Variants in PTPRD observed in about 807,000 individuals in gnomAD.
The protein encoded by PTPRD is protein tyrosine phosphatase receptor type D.
A neutral mutation model predicts 214.5 loss-of-function variants in PTPRD; 34 were observed. That is an observed-to-expected ratio of 0.16 (90% CI 0.12 to 0.21). The LOEUF (loss-of-function observed/expected upper bound fraction) is 0.21. Among genes scored for constraint, PTPRD ranks in the 10% least tolerant of loss-of-function variants. PTPRD has a pLI of 1.00. For synonymous variants in PTPRD, 1,128 were observed against 845.7 expected (o/e 1.33, Z -5.79); for missense variants, 2,545 against 2,398.7 (o/e 1.06, Z -1.27).
At chr9:10,431,640 C>G (rs562633653) in intron 2 of PTPRD, among the ~76,000 whole-genome samples, 2 of 152,168 alleles carry the variant, frequency 1.3e-5, no homozygotes, top group South Asian at 4.1e-4. Context: ...TGAACAGACA[C>G]TTCTCAAAAG....
chr9:9,009,593 A>T (rs1285099735), intron 11 of PTPRD, among the ~76,000 whole-genome samples: 1 of 152,032 alleles, frequency 6.6e-6, no homozygotes, highest in Non-Finnish European at 1.5e-5. Context: ...TTAGAACTGT[A>T]AAAATTTTTA....
At chr9:8,349,615 T>G (rs1353580193) in intron 39 of PTPRD, among the ~76,000 whole-genome samples, 1 of 152,148 alleles carries the variant, frequency 6.6e-6, no homozygotes, top group African/African-American at 2.4e-5. Flanking sequence ...TTTTATCTGT[T>G]TTCTGTCAGA....
chr9:9,199,349 C>G (rs1370699614), intron 9 of PTPRD, among the ~76,000 whole-genome samples: 2 of 152,138 alleles, frequency 1.3e-5, no homozygotes, highest in Non-Finnish European at 2.9e-5. Context: ...TGTAAAATAC[C>G]TGTTAGATGC....
intron 35 of PTPRD, 101 bp from the exon 36 acceptor site, chr9:8,404,761 C>G: frequency 7.3e-7 from 1 of 1,379,302 alleles, no homozygotes; most frequent in Non-Finnish European, 9.6e-7. Flanking sequence ...AAGGAAAATT[C>G]TGAAGCCATA....
At chr9:10,427,205 C>T (rs72698988) in intron 2 of PTPRD, among the ~76,000 whole-genome samples, 1 of 152,158 alleles carries the variant, frequency 6.6e-6, no homozygotes, top group Non-Finnish European at 1.5e-5. Flanking sequence ...GGTGGCCATG[C>T]TTTTGGCCAG....
At chr9:9,585,102 A>G (rs746939374) in intron 7 of PTPRD, among the ~76,000 whole-genome samples, 2 of 151,866 alleles carry the variant, frequency 1.3e-5, no homozygotes, top group Non-Finnish European at 2.9e-5. Context: ...GATTATTATC[A>G]TTTTTGTTTC....
chr9:9,995,638 C>A (rs1378839075), intron 4 of PTPRD, among the ~76,000 whole-genome samples: 1 of 152,088 alleles, frequency 6.6e-6, no homozygotes, highest in Non-Finnish European at 1.5e-5. Flanking sequence ...TCCTGTTTTG[C>A]TCTTAGGCCT....
chr9:8,407,900 G>A (rs1425871797), intron 35 of PTPRD, among the ~76,000 whole-genome samples: 1 of 152,204 alleles, frequency 6.6e-6, no homozygotes, highest in African/African-American at 2.4e-5. Context: ...GCTGACAGCA[G>A]TAAACTCAGT....
chr9:9,718,543 G>A (rs551651949), intron 7 of PTPRD, among the ~76,000 whole-genome samples: 2 of 152,308 alleles, frequency 1.3e-5, no homozygotes, highest in Admixed American at 1.3e-4. Context: ...TCCAGACCCA[G>A]GCATCCCTGT....
intron 3 of PTPRD, among the ~76,000 whole-genome samples, chr9:10,296,909 A>G (rs760001077): frequency 1.3e-5 from 2 of 151,772 alleles, no homozygotes; most frequent in Admixed American, 6.6e-5. Flanking sequence ...CACTAGATTT[A>G]TTGATTTTAT....
chr9:8,568,947 C>T (rs1198829859), intron 14 of PTPRD, among the ~76,000 whole-genome samples: 1 of 152,044 alleles, frequency 6.6e-6, no homozygotes, highest in African/African-American at 2.4e-5. Context: ...GCAATACAAA[C>T]ACTAACATCA....
chr9:8,456,996 G>C (rs895576126), intron 33 of PTPRD, among the ~76,000 whole-genome samples: 1 of 152,110 alleles, frequency 6.6e-6, no homozygotes, highest in Non-Finnish European at 1.5e-5. Context: ...AGTCTGAAAA[G>C]CCTTACATAT....
chr9:10,349,484 T>A (rs1320461734), intron 2 of PTPRD, among the ~76,000 whole-genome samples: 3 of 152,202 alleles, frequency 2.0e-5, no homozygotes, highest in African/African-American at 7.2e-5. Context: ...ATAGGAAATA[T>A]GCACAGACAC....
intron 14 of PTPRD, among the ~76,000 whole-genome samples, chr9:8,611,981 GGGGAGGGGAGGGTTT>G (rs1301625046): frequency 1.4e-5 from 2 of 139,198 alleles, no homozygotes; most frequent in Admixed American, 7.1e-5. Context: ...GGGGAGGGGA[GGGGAGGGGAGGGTTT>G]GGGAGGGGAG....
intron 2 of PTPRD, among the ~76,000 whole-genome samples, chr9:10,518,405 C>G (rs762192479): frequency 1.1e-4 from 16 of 151,986 alleles, no homozygotes; most frequent in Non-Finnish European, 1.5e-4. Flanking sequence ...AAATTAAGCA[C>G]CATGTTGGCA....
rs79323182 is a variant in PTPRD at position 9,241,768 on chromosome 9, A to G, written c.-202-58405T>C. On this transcript the variant is annotated intron_variant, in intron 9 of 45. Coordinates refer to ENST00000381196, the MANE Select transcript of PTPRD (RefSeq NM_002839.4). ...CATACGAGATGGGTTTCCTGAATAC[A>G]GCACACTGATGGGTCTTGACTCTTT... 3.0e-3 allele frequency among the ~76,000 whole-genome samples: 450 copies of G among 151,676 alleles called. 3 individuals carry two copies. Among genetic ancestry groups the G allele is most frequent in the African/African-American group, 0.01 (420 of 41,332 alleles).
In PTPRD at chr9:9,194,988, T is replaced by A. The variant is rs181500215; in HGVS notation, c.-202-11625A>T. ...TCAAGGACCAGTTGAACCCTACGTG[T>A]GTGTGTGTGTGTATACAGATACCTA... On this transcript the variant is annotated intron_variant, in intron 9 of 45. Transcript: ENST00000381196. Among the ~76,000 whole-genome samples, 7 of 151,116 alleles carry A rather than the reference T, an allele frequency of 4.6e-5. No homozygotes were observed. The East Asian group carries it at 1.4e-3, about 30-fold the overall frequency.
intron 2 of PTPRD, among the ~76,000 whole-genome samples, chr9:10,541,478 A>C (rs2059094509): frequency 6.6e-6 from 1 of 152,074 alleles, no homozygotes; most frequent in African/African-American, 2.4e-5. Context: ...TTGATTATTA[A>C]AGAGTAAAAA....
At chr9:10,179,541 AT>A (rs1316215488) in intron 3 of PTPRD, among the ~76,000 whole-genome samples, 1 of 152,080 alleles carries the variant, frequency 6.6e-6, no homozygotes, top group Non-Finnish European at 1.5e-5. Context: ...AAATAAGAGT[AT>A]TTTGAGGAAA....
Sources: gnomAD v4.1 joint callset for allele counts (sites outside exome capture counted in the v4.1 genomes callset) on GRCh38, gnomAD v4.1.1 for gene constraint, MANE v1.5 for transcripts, NCBI Gene and HGNC (gene_info 2026-07-23, HGNC 2026-07-21) for gene names.